TIAL1: variants seen among roughly 807,000 people sequenced by gnomAD.
TIAL1 encodes TIA1 cytotoxic granule associated RNA binding protein like 1, also known as nucleolysin TIAR.
In TIAL1, 7 loss-of-function variants were observed where a neutral mutation model predicts 59.7. The observed-to-expected ratio is 0.12, with a 90% CI of 0.07 to 0.22. The LOEUF (loss-of-function observed/expected upper bound fraction) is 0.22. Ranked by LOEUF, TIAL1 falls within the 10% of genes least tolerant of loss-of-function variation. The probability of loss-of-function intolerance (pLI) is 1.00; values close to 1 mark genes in which losing one functional copy is unlikely to be tolerated. For synonymous variants in TIAL1, 149 were observed against 146.3 expected, an observed-to-expected ratio of 1.02 and a Z score of -0.13; for missense variants, 225 against 462.5, an observed-to-expected ratio of 0.49 and a Z score of 4.71.
chr10:119,589,020 C>A (rs1396057522), intron 1 of TIAL1, among the ~76,000 whole-genome samples: 1 of 152,104 alleles, frequency 6.6e-6, no homozygotes, highest in Middle Eastern at 3.2e-3. Flanking sequence ...AGATTCCCAA[C>A]CAAAGCAATT....
intron 2 of TIAL1, among the ~76,000 whole-genome samples, chr10:119,586,739 C>T (rs1845587420): frequency 6.6e-6 from 1 of 152,186 alleles, no homozygotes; most frequent in Non-Finnish European, 1.5e-5. Context: ...GTCTTTGATT[C>T]CACAAACACA....
chr10:119,593,098 C>A (rs916639426), intron 1 of TIAL1, among the ~76,000 whole-genome samples: 1 of 152,172 alleles, frequency 6.6e-6, no homozygotes. Context: ...AACACTATTA[C>A]AATTTAGTGT....
chr10:119,577,158 G>A lies in TIAL1; in HGVS notation c.783C>T (p.Asn261=), dbSNP rs775419085. Residue 261 remains asparagine, a synonymous_variant, in exon 10 of 12, where the codon AAC becomes AAT. Coordinates refer to ENST00000436547, the MANE Select transcript of TIAL1 (RefSeq NM_003252.4). The part of the protein sequence containing the change: ...ESAAHAIVSV[N]GTTIEGHVVK... ...CCACATGTCCTTCAATCGTAGTACC[G>A]TTCACCGAAACAATGGCATGGGCTG... 2.1e-5 allele frequency: 34 copies of A among 1,612,940 alleles called. No individual in the cohort carries two copies. Among genetic ancestry groups the A allele is most frequent in the African/African-American group, 6.7e-5 (5 of 74,868 alleles).
At chr10:119,584,200 C>CT (rs1242175791) in intron 2 of TIAL1, among the ~76,000 whole-genome samples, 6 of 152,148 alleles carry the variant, frequency 3.9e-5, no homozygotes, top group African/African-American at 1.4e-4. Flanking sequence ...CATATATTCA[C>CT]TGACATCACA....
chr10:119,590,661 G>T (rs1418842035), intron 1 of TIAL1, among the ~76,000 whole-genome samples: 1 of 152,028 alleles, frequency 6.6e-6, no homozygotes, highest in African/African-American at 2.4e-5. Flanking sequence ...AGTGAGCCGA[G>T]ATTGCACCAT....
intron 1 of TIAL1, among the ~76,000 whole-genome samples, chr10:119,594,427 T>C (rs911098762): frequency 2.6e-5 from 4 of 152,156 alleles, no homozygotes; most frequent in African/African-American, 4.8e-5. Flanking sequence ...ACAGATACAG[T>C]AAATGAGACC....
At position 119,596,646 on chromosome 10, in the gene TIAL1, A is replaced by G; in HGVS notation, c.-181T>C. On this transcript the variant is annotated 5_prime_UTR_variant, in exon 1 of 12. Coordinates refer to ENST00000436547, the MANE Select transcript of TIAL1 (RefSeq NM_003252.4). Reference sequence around the variant, plus strand: ...CGGACACTGCGCTCCAACCAGGAGGAGCAGGAGGAGGAGGAGGATGAACAA... The same window carrying G: ...CGGACACTGCGCTCCAACCAGGAGGGGCAGGAGGAGGAGGAGGATGAACAA... 1 of 602,468 alleles carries G rather than the reference A, an allele frequency of 1.7e-6. No individual in the cohort carries two copies. The highest frequency in any genetic ancestry group is 2.9e-6 in the Non-Finnish European group (1 of 340,252). The allele number at this position is 602,468 out of a possible 1,614,324, so 37.3% of individuals were successfully genotyped here.
chr10:119,576,946 TAATC>T (rs993526810), intron 10 of TIAL1, 130 bp downstream of exon 10: 2 of 1,362,590 alleles, frequency 1.5e-6, no homozygotes, highest in Non-Finnish European at 2.0e-6. Context: ...ATACCGCAAA[TAATC>T]AATTTTGAAA....
At chr10:119,586,971 A>G (rs968757879) in intron 2 of TIAL1, among the ~76,000 whole-genome samples, 2 of 152,204 alleles carry the variant, frequency 1.3e-5, no homozygotes, top group Non-Finnish European at 2.9e-5. Flanking sequence ...TCTCTCCATT[A>G]TATCTCCAGT....
At chr10:119,581,243 T>C (rs979269061) in intron 5 of TIAL1, among the ~76,000 whole-genome samples, 3 of 152,024 alleles carry the variant, frequency 2.0e-5, no homozygotes, top group African/African-American at 7.2e-5. Flanking sequence ...TTTTCCAATA[T>C]ATTTTTTACC....
intron 2 of TIAL1, among the ~76,000 whole-genome samples, chr10:119,584,955 A>G (rs1047924035): frequency 1.3e-5 from 2 of 151,166 alleles, no homozygotes; most frequent in Non-Finnish European, 1.5e-5. Flanking sequence ...AAATACAAAA[A>G]ATAAAAAAAT....
intron 7 of TIAL1, among the ~76,000 whole-genome samples, chr10:119,578,017 G>A (rs572358172): frequency 1.4e-3 from 206 of 152,160 alleles, no homozygotes; most frequent in African/African-American, 4.7e-3. Context: ...ACGAGGTCAC[G>A]AGTTCGAGAC....
intron 7 of TIAL1, 100 bp downstream of exon 7, chr10:119,578,626 G>T: frequency 9.3e-7 from 1 of 1,075,554 alleles, no homozygotes; most frequent in Non-Finnish European, 1.4e-6. Flanking sequence ...GCAAGACCCT[G>T]TCTCTTACAT....
rs866256086 is a variant in TIAL1 at position 119,576,662 on chromosome 10, G to A, written c.950C>T (p.Pro317Leu). ...GQYMANGWQV[P>L]PYGVYGQPWN... ...TGGTTGCCCGTATACTCCATAAGGC[G>A]GTACTTGCCACCCATTTGCCATATA... Residue 317 changes from proline (P) to leucine (L), a missense_variant, in exon 11 of 12, where the codon CCG becomes CTG. Pro to Leu is a moderately conservative substitution (Grantham distance 98, BLOSUM62 -3). Coordinates refer to ENST00000436547, the MANE Select transcript of TIAL1 (RefSeq NM_003252.4). The A allele has an allele frequency of 1.9e-6, 3 of 1,614,150 alleles. No homozygotes were observed. Among genetic ancestry groups the A allele is most frequent in the Non-Finnish European group, 2.5e-6 (3 of 1,180,030 alleles).
chr10:119,581,824 C>A, intron 5 of TIAL1, 98 bp downstream of exon 5: 18 of 912,634 alleles, frequency 2.0e-5, no homozygotes, highest in South Asian at 9.1e-5. Flanking sequence ...AAAACAAAAC[C>A]ATACTAACTA....
chr10:119,578,969 A>C (rs977882517), intron 6 of TIAL1, 135 bp from the exon 7 acceptor site: 1 of 657,304 alleles, frequency 1.5e-6, no homozygotes, highest in Non-Finnish European at 2.7e-6. Flanking sequence ...AAACAAAACG[A>C]AACTGAACTA....
In TIAL1 at chr10:119,575,784, G is replaced by A. The variant is rs201896035; in HGVS notation, c.1009C>T (p.Pro337Ser). ...NQQGFGVDQS[P>S]SAAWMGGFGA... is the part of the protein sequence containing the mutation. Reference sequence around the variant, plus strand: ...AATCCACCCATCCAAGCAGCAGAAGGTGATTGACTTGGAAGAAAAAGAAAA... The same window carrying A: ...AATCCACCCATCCAAGCAGCAGAAGATGATTGACTTGGAAGAAAAAGAAAA... The change falls in exon 12 of 12, where the codon CCT becomes TCT. Residue 337 changes from proline (P) to serine (S), a missense_variant. By Grantham distance (74) the Pro-to-Ser change is moderately conservative. This residue lies in a region of TIAL1 where 68 missense variants were observed against 71.3 expected (regional missense o/e 0.95). Transcript: ENST00000436547. 1.3e-6 allele frequency: 2 copies of A among 1,538,250 alleles called. No individual in the cohort carries two copies. Among genetic ancestry groups the A allele is most frequent in the Non-Finnish European group, 1.7e-6 (2 of 1,148,958 alleles).
intron 5 of TIAL1, chr10:119,580,761 T>C (rs772484196): frequency 1.1e-5 from 12 of 1,075,778 alleles, no homozygotes; most frequent in African/African-American, 1.7e-5. Context: ...TAAATAGAAA[T>C]GAGAAAAAAA....
At chr10:119,587,083 A>AT (rs2133986592) in intron 2 of TIAL1, among the ~76,000 whole-genome samples, 1 of 152,378 alleles carries the variant, frequency 6.6e-6, no homozygotes, top group African/African-American at 2.4e-5. Context: ...GAACAAAATG[A>AT]TGATTGTCAT....
Sources: allele counts gnomAD v4.1 joint callset (sites outside exome capture counted in the v4.1 genomes callset), GRCh38; gene constraint gnomAD v4.1.1; regional missense constraint gnomAD v4.1.1; transcripts MANE v1.5; gene names NCBI Gene and HGNC (gene_info 2026-07-23, HGNC 2026-07-21).